SBDS: variants seen among roughly 807,000 people sequenced by gnomAD.
SBDS encodes the protein ribosome maturation protein SBDS.
In SBDS, 20 loss-of-function variants were observed where a neutral mutation model predicts 26.4. That is an observed-to-expected ratio of 0.76 (90% CI 0.53 to 1.10). SBDS has a LOEUF of 1.10. Ranked by LOEUF, SBDS falls within the 50% of genes least tolerant of loss-of-function variation. The probability of loss-of-function intolerance (pLI) is 0.00; values close to 1 mark genes in which losing one functional copy is unlikely to be tolerated. For missense variants in SBDS, 241 were observed against 302.0 expected (o/e 0.80, Z 1.50); for synonymous variants, 95 against 105.1 (o/e 0.90, Z 0.59).
chr7:66,992,624 C>A (rs908247492), intron 3 of SBDS, among the ~76,000 whole-genome samples: 1 of 151,756 alleles, frequency 6.6e-6, no homozygotes, highest in African/African-American at 2.4e-5. Flanking sequence ...CCTATCTTTA[C>A]AACCCCGTCC....
intron 3 of SBDS, 108 bp downstream of exon 3, chr7:66,993,109 T>C: frequency 9.7e-7 from 1 of 1,033,642 alleles, no homozygotes; most frequent in Admixed American, 1.7e-5. Context: ...AGTGCTAGGA[T>C]TACAGGCATG....
chr7:66,990,096 C>T (rs1390326104), intron 4 of SBDS, among the ~76,000 whole-genome samples: 4 of 151,800 alleles, frequency 2.6e-5, no homozygotes, highest in South Asian at 2.1e-4. Flanking sequence ...CTTGGCTCAC[C>T]GCAACCTCTG....
chr7:66,993,591 T>C (rs1413590518), intron 2 of SBDS, among the ~76,000 whole-genome samples, 174 bp from the exon 3 acceptor site: 1 of 152,158 alleles, frequency 6.6e-6, no homozygotes, highest in African/African-American at 2.4e-5. Flanking sequence ...AAGAATCTTT[T>C]GGCTGGGCTC....
Position 66,991,627 on chromosome 7 carries a change from C to T in SBDS, c.460-326G>A, listed in dbSNP as rs186831548. Among the ~76,000 whole-genome samples, 343 of 151,678 alleles carry T rather than the reference C, an allele frequency of 2.3e-3. 1 individual carries two copies. The highest frequency in any genetic ancestry group is 8.0e-3 in the African/African-American group (329 of 41,356). ...CCAACATGGTGAAACCCCGTCTCCA[C>T]TAAAAATACAAAAAAAGAAAAATTA... On this transcript the variant is annotated intron_variant, in intron 3 of 4. Coordinates refer to ENST00000246868, the MANE Select transcript of SBDS (RefSeq NM_016038.4).
chr7:66,988,652 G>A (rs1428565153), intron 4 of SBDS, among the ~76,000 whole-genome samples, 153 bp from the exon 5 acceptor site: 2 of 152,030 alleles, frequency 1.3e-5, no homozygotes, highest in Admixed American at 6.6e-5. Context: ...TGGGTAGGGC[G>A]GCACACTGGG....
At chr7:66,994,711 G>C (rs1793060222) in intron 1 of SBDS, among the ~76,000 whole-genome samples, 1 of 152,128 alleles carries the variant, frequency 6.6e-6, no homozygotes, top group South Asian at 2.1e-4. Flanking sequence ...GGCTGGCCTC[G>C]AACTCCTGGC....
chr7:66,989,542 T>C (rs1584434778), intron 4 of SBDS, among the ~76,000 whole-genome samples: 1 of 150,544 alleles, frequency 6.6e-6, no homozygotes, highest in East Asian at 2.0e-4. Context: ...TGAAACCCTG[T>C]CTCAAAAATA....
chr7:66,992,024 T>TG (rs1386481995), intron 3 of SBDS, among the ~76,000 whole-genome samples: 1 of 152,100 alleles, frequency 6.6e-6, no homozygotes, highest in Non-Finnish European at 1.5e-5. Flanking sequence ...TATACAGAAA[T>TG]GAAAACATAT....
chr7:66,989,664 G>A (rs1413749849), intron 4 of SBDS, among the ~76,000 whole-genome samples: 2 of 150,466 alleles, frequency 1.3e-5, no homozygotes, highest in East Asian at 4.0e-4. Context: ...AGGACATAAT[G>A]GTTTCGCTGC....
chr7:66,994,019 CA>C (rs66521756), intron 2 of SBDS, among the ~76,000 whole-genome samples, 192 bp downstream of exon 2: 2,233 of 81,692 alleles, frequency 0.027, 20 homozygotes, highest in African/African-American at 0.064. Flanking sequence ...GAGGTTTTGG[CA>C]AAAAAAAAAA....
intron 4 of SBDS, 143 bp downstream of exon 4, chr7:66,990,994 G>A (rs1209702874): frequency 2.4e-5 from 17 of 722,792 alleles, no homozygotes; most frequent in Non-Finnish European, 3.7e-5. Flanking sequence ...TCCAGCCTGG[G>A]CAACAGAGCG....
intron 4 of SBDS, among the ~76,000 whole-genome samples, chr7:66,990,209 G>A (rs1792946111): frequency 6.6e-6 from 1 of 151,808 alleles, no homozygotes; most frequent in Non-Finnish European, 1.5e-5. Context: ...GTAGAGACAG[G>A]GTTTCTCCAT....
chr7:66,994,509 C>CG, intron 1 of SBDS, 168 bp from the exon 2 acceptor site: 1 of 669,256 alleles, frequency 1.5e-6, no homozygotes, highest in East Asian at 3.2e-5. Context: ...CAACCCCCGC[C>CG]CCTAGATGGA....
Position 66,988,351 on chromosome 7 carries a change from G to T in SBDS, c.*20C>A, listed in dbSNP as rs754935115. The T allele has an allele frequency of 6.2e-7, 1 of 1,611,968 alleles. No individual in the cohort carries two copies. The highest frequency in any genetic ancestry group is 1.1e-5 in the South Asian group (1 of 91,030). ...AACGGAAACACTTTAGTGTTTTAGA[G>T]GTGAAGAGATTGATGGGTGTCATTC... On this transcript the variant is annotated 3_prime_UTR_variant, in exon 5 of 5. Coordinates refer to ENST00000246868, the MANE Select transcript of SBDS (RefSeq NM_016038.4).
intron 4 of SBDS, 193 bp downstream of exon 4, chr7:66,990,944 G>A (rs1051590097): frequency 2.1e-6 from 1 of 487,122 alleles, no homozygotes; most frequent in African/African-American, 2.0e-5. Context: ...GTGTACCCGG[G>A]AGGCGGAGCT....
chr7:66,993,479 A>G (rs1434888867), intron 2 of SBDS, 62 bp from the exon 3 acceptor site: 1 of 1,313,800 alleles, frequency 7.6e-7, no homozygotes, highest in Non-Finnish European at 1.1e-6. Context: ...CTATTTATTA[A>G]CTAACCATAA....
intron 4 of SBDS, among the ~76,000 whole-genome samples, chr7:66,990,356 A>G (rs1792949675): frequency 6.6e-6 from 1 of 152,194 alleles, no homozygotes; most frequent in African/African-American, 2.4e-5. Flanking sequence ...TCAAGATATT[A>G]GAAGTTCAGG....
chr7:66,988,383 C>T lies in SBDS; in HGVS notation c.741G>A (p.Glu247=), dbSNP rs757329139. 6.2e-7 allele frequency: 1 copy of T among 1,613,446 alleles called. No homozygotes were observed. Among genetic ancestry groups the T allele is most frequent in the East Asian group, 2.2e-5 (1 of 44,882 alleles). The change falls in exon 5 of 5, where the codon GAG becomes GAA. Residue 247 remains glutamate, a synonymous_variant. Transcript: ENST00000246868. The part of the protein sequence containing the change: ...LNLKDVEEGD[E]KFE ...AGATTGATGGGTGTCATTCAAATTT[C>T]TCATCTCCTTCTTCTACATCTTTCA...
In SBDS at chr7:66,994,419, G is replaced by T. The variant is rs550701418; in HGVS notation, c.129-78C>A. On this transcript the variant is annotated intron_variant, in intron 1 of 4. Coordinates refer to ENST00000246868, the MANE Select transcript of SBDS (RefSeq NM_016038.4). The stretch of plus-strand genomic sequence containing the variant: ...TGCATTTACATTTAAATACGAGATG[G>T]CAACAACATGAACGGCAAGACACAA... 36 of 1,256,100 alleles carry T rather than the reference G, an allele frequency of 2.9e-5. No homozygotes were observed. In the South Asian group the frequency reaches 4.2e-4, roughly 15 times the overall value. 77.8% of individuals were successfully genotyped at this position (1,256,100 alleles called of 1,614,324 possible).
Sources: gnomAD v4.1 joint callset for allele counts (sites outside exome capture counted in the v4.1 genomes callset) on GRCh38, gnomAD v4.1.1 for gene constraint, MANE v1.5 for transcripts, NCBI Gene and HGNC (gene_info 2026-07-23, HGNC 2026-07-21) for gene names.